Variants in SPOCK1 observed in about 807,000 individuals in gnomAD.
The protein encoded by SPOCK1 is testican-1.
Under a neutral mutation model 55.3 loss-of-function variants are expected in SPOCK1, and 23 were observed. The ratio of observed to expected loss-of-function variants is 0.42; its 90% confidence interval spans 0.30 to 0.59. The LOEUF (loss-of-function observed/expected upper bound fraction) is 0.59. Among genes scored for constraint, SPOCK1 ranks in the 20% least tolerant of loss-of-function variants. The pLI, the probability that SPOCK1 is intolerant of heterozygous loss-of-function variation, is 0.22. For synonymous variants in SPOCK1, 226 were observed against 221.0 expected (o/e 1.02, Z -0.20); for missense variants, 499 against 552.5 (o/e 0.90, Z 0.97).
chr5:137,398,031 G>T (rs761125233), intron 2 of SPOCK1, among the ~76,000 whole-genome samples: 44 of 152,158 alleles, frequency 2.9e-4, no homozygotes, highest in Middle Eastern at 3.4e-3. Flanking sequence ...TCAATCCTCG[G>T]TAGCCTGGAG....
chr5:137,176,502 ATGTGTGTG>A (rs10527760), intron 3 of SPOCK1, among the ~76,000 whole-genome samples: 47,851 of 150,342 alleles, frequency 0.32, 8,546 homozygotes, highest in East Asian at 0.6. Flanking sequence ...CCCCACCACA[ATGTGTGTG>A]TGTGTGTGTG....
chr5:137,082,132 A>G (rs1299538019), intron 5 of SPOCK1, among the ~76,000 whole-genome samples: 1 of 152,208 alleles, frequency 6.6e-6, no homozygotes, highest in East Asian at 1.9e-4. Flanking sequence ...CCCAAGTCAC[A>G]TGGTCCATGC....
intron 2 of SPOCK1, among the ~76,000 whole-genome samples, chr5:137,276,935 A>G (rs1757078852): frequency 6.6e-6 from 1 of 152,216 alleles, no homozygotes; most frequent in South Asian, 2.1e-4. Flanking sequence ...TACAAGATTT[A>G]GGACTTGCAT....
chr5:137,462,057 G>A (rs1292199092), intron 2 of SPOCK1, among the ~76,000 whole-genome samples: 2 of 152,158 alleles, frequency 1.3e-5, no homozygotes, highest in South Asian at 2.1e-4. Flanking sequence ...AGGGGTTAAC[G>A]CCCAACCTGT....
intron 6 of SPOCK1, among the ~76,000 whole-genome samples, chr5:137,042,172 G>T (rs1308873110): frequency 2.0e-5 from 3 of 152,106 alleles, no homozygotes; most frequent in African/African-American, 7.2e-5. Flanking sequence ...AATCTTAAAT[G>T]AATATTGTCA....
intron 2 of SPOCK1, among the ~76,000 whole-genome samples, chr5:137,472,102 C>T (rs1753748727): frequency 6.6e-6 from 1 of 152,186 alleles, no homozygotes; most frequent in Non-Finnish European, 1.5e-5. Context: ...GCCAAAGACT[C>T]ACTGCCACGA....
At position 137,055,005 on chromosome 5, in the gene SPOCK1, T is replaced by C. The variant is rs373381624; in HGVS notation, c.589+12710A>G. Among the ~76,000 whole-genome samples, 61 of 152,266 alleles carry C rather than the reference T, an allele frequency of 4.0e-4. No homozygotes were observed. The South Asian group carries it at 4.2e-3, about 10-fold the overall frequency. ...TTCAACCACATGAAATGAAACCTAG[T>C]TCTTCTGACCACAGAGACCACAATG... On this transcript the variant is annotated intron_variant, in intron 6 of 10. Transcript: ENST00000394945.
At chr5:137,001,387 A>T (rs746555154) in intron 6 of SPOCK1, among the ~76,000 whole-genome samples, 15 of 152,344 alleles carry the variant, frequency 9.8e-5, no homozygotes, top group Non-Finnish European at 1.6e-4. Context: ...ATCCAGCAAG[A>T]TAGGAATCTC....
intron 2 of SPOCK1, among the ~76,000 whole-genome samples, chr5:137,288,802 A>T (rs1379311199): frequency 6.6e-6 from 1 of 152,260 alleles, no homozygotes; most frequent in Non-Finnish European, 1.5e-5. Context: ...ATGATGTTTT[A>T]GTAAACAACT....
rs544058177 is a variant in SPOCK1, at chr5:137,433,391, G to T, written c.186+64982C>A. Reference sequence around the variant, plus strand: ...GTCTTTATTTCATGGAGGAGGGCAGGAGATAAAGATGTGTTTGCATCCACA... The same window carrying T: ...GTCTTTATTTCATGGAGGAGGGCAGTAGATAAAGATGTGTTTGCATCCACA... On this transcript the variant is annotated intron_variant, in intron 2 of 10. Transcript: ENST00000394945. Among the ~76,000 whole-genome samples the T allele has an allele frequency of 2.0e-5, 3 of 152,318 alleles. No individual in the cohort carries two copies. The South Asian group carries it at 6.2e-4, about 32-fold the overall frequency.
intron 5 of SPOCK1, among the ~76,000 whole-genome samples, chr5:137,107,049 C>T (rs930125418): frequency 3.9e-5 from 6 of 152,160 alleles, no homozygotes; most frequent in African/African-American, 1.4e-4. Context: ...ATCGCTTCCC[C>T]AAGAAGACTG....
At chr5:137,402,132 G>A (rs749845880) in intron 2 of SPOCK1, among the ~76,000 whole-genome samples, 7 of 152,120 alleles carry the variant, frequency 4.6e-5, no homozygotes, top group Admixed American at 1.3e-4. Context: ...AAAAGCCAGG[G>A]AAGACAGGTT....
At chr5:137,128,579 C>T (rs1023521617) in intron 4 of SPOCK1, among the ~76,000 whole-genome samples, 2 of 152,192 alleles carry the variant, frequency 1.3e-5, no homozygotes, top group Non-Finnish European at 2.9e-5. Context: ...AATGGAGATT[C>T]GGTGCAGGAA....
intron 2 of SPOCK1, among the ~76,000 whole-genome samples, chr5:137,315,797 G>A (rs866741654): frequency 1.7e-4 from 26 of 152,286 alleles, no homozygotes; most frequent in South Asian, 1.5e-3. Flanking sequence ...CAACTTATCC[G>A]TCCCTCTCTG....
chr5:137,059,641 G>A (rs993280870), intron 6 of SPOCK1, among the ~76,000 whole-genome samples: 1 of 152,082 alleles, frequency 6.6e-6, no homozygotes, highest in Non-Finnish European at 1.5e-5. Flanking sequence ...GCAAAAGAGA[G>A]TAAATAGACA....
At chr5:137,366,509 C>A (rs546718779) in intron 2 of SPOCK1, among the ~76,000 whole-genome samples, 17 of 152,276 alleles carry the variant, frequency 1.1e-4, no homozygotes, top group South Asian at 2.1e-4. Context: ...AGGCTGGGAG[C>A]AGGGGCCTGT....
chr5:137,311,815 T>C (rs1435734426), intron 2 of SPOCK1, among the ~76,000 whole-genome samples: 2 of 152,240 alleles, frequency 1.3e-5, no homozygotes, highest in African/African-American at 4.8e-5. Context: ...AAGAATAGGA[T>C]AAGTCTGTAC....
At chr5:137,163,087 T>C (rs1754589604) in intron 3 of SPOCK1, among the ~76,000 whole-genome samples, 1 of 152,116 alleles carries the variant, frequency 6.6e-6, no homozygotes, top group African/African-American at 2.4e-5. Flanking sequence ...CTGATCCTAA[T>C]GAAAACAGAA....
intron 2 of SPOCK1, among the ~76,000 whole-genome samples, chr5:137,479,009 G>A (rs1753894573): frequency 6.6e-6 from 1 of 151,830 alleles, no homozygotes. Context: ...ACCAAAGGGA[G>A]AAGGCGGTGG....
Sources: gnomAD v4.1 joint callset for allele counts (sites outside exome capture counted in the v4.1 genomes callset) on GRCh38, gnomAD v4.1.1 for gene constraint, MANE v1.5 for transcripts, NCBI Gene and HGNC (gene_info 2026-07-23, HGNC 2026-07-21) for gene names.